CALN1: variants seen among roughly 807,000 people sequenced by gnomAD.
CALN1 encodes the protein calneuron 1.
Under a neutral mutation model 30.6 loss-of-function variants are expected in CALN1, and 17 were observed. That is an observed-to-expected ratio of 0.56 (90% CI 0.38 to 0.83). The LOEUF (loss-of-function observed/expected upper bound fraction) is 0.83, where lower values mean the gene tolerates loss of function less well. Among genes scored for constraint, CALN1 ranks in the 40% least tolerant of loss-of-function variants. The pLI, the probability that CALN1 is intolerant of heterozygous loss-of-function variation, is 0.00. For missense variants in CALN1, 291 were observed against 354.9 expected, an observed-to-expected ratio of 0.82 and a Z score of 1.45; for synonymous variants, 156 against 131.4, an observed-to-expected ratio of 1.19 and a Z score of -1.28.
At chr7:72,310,286 C>T (rs552051859) in intron 2 of CALN1, among the ~76,000 whole-genome samples, 70 of 151,172 alleles carry the variant, frequency 4.6e-4, no homozygotes, top group African/African-American at 1.7e-3. Flanking sequence ...AGGTATCTAC[C>T]TCATTGAGCC....
chr7:71,889,438 C>T (rs1053207333), intron 5 of CALN1, among the ~76,000 whole-genome samples: 17 of 152,026 alleles, frequency 1.1e-4, no homozygotes, highest in African/African-American at 4.1e-4. Flanking sequence ...AAAAATAAAA[C>T]ACATGCTCAC....
At chr7:72,341,852 G>C (rs1441781882) in intron 2 of CALN1, among the ~76,000 whole-genome samples, 2 of 152,120 alleles carry the variant, frequency 1.3e-5, no homozygotes. Flanking sequence ...AATGTTGGCT[G>C]TTGTTACAAG....
rs115340546 is a variant in CALN1 at position 72,141,989 on chromosome 7, G to A, written c.245-35695C>T. On this transcript the variant is annotated intron_variant, in intron 3 of 6. Coordinates refer to ENST00000395275, the MANE Select transcript of CALN1 (RefSeq NM_031468.4). ...TTTCAGGTTGAAATATGATCTGCAG[G>A]GGTGGTTCCAAGATGGCCGAATAGG... is the stretch of plus-strand genomic sequence containing the variant. Among the ~76,000 whole-genome samples, 748 of 152,276 alleles carry A rather than the reference G, an allele frequency of 4.9e-3. 5 individuals carry two copies. Among genetic ancestry groups the A allele is most frequent in the African/African-American group, 0.016 (661 of 41,562 alleles).
intron 2 of CALN1, among the ~76,000 whole-genome samples, chr7:72,318,347 T>A (rs565471154): frequency 6.6e-6 from 1 of 152,286 alleles, no homozygotes; most frequent in South Asian, 2.1e-4. Flanking sequence ...TCCAATAGTG[T>A]CTCAACTATT....
intron 3 of CALN1, among the ~76,000 whole-genome samples, chr7:72,164,514 T>C (rs1235568334): frequency 6.6e-6 from 1 of 152,168 alleles, no homozygotes; most frequent in Non-Finnish European, 1.5e-5. Context: ...TAGAACGTTC[T>C]CCCTGCAGGT....
chr7:71,927,127 TAAAG>T (rs1382604958), intron 5 of CALN1, among the ~76,000 whole-genome samples: 2 of 152,200 alleles, frequency 1.3e-5, no homozygotes, highest in African/African-American at 2.4e-5. Context: ...TCTGCCAACA[TAAAG>T]AAGAGTCTAC....
intron 2 of CALN1, among the ~76,000 whole-genome samples, chr7:72,324,607 G>A (rs978783546): frequency 1.5e-4 from 22 of 151,106 alleles, no homozygotes; most frequent in Non-Finnish European, 2.8e-4. Context: ...TTTAGAGACA[G>A]AGTCTCCCTC....
At chr7:71,970,829 T>C (rs568008154) in intron 5 of CALN1, among the ~76,000 whole-genome samples, 50 of 152,286 alleles carry the variant, frequency 3.3e-4, no homozygotes, top group Middle Eastern at 3.4e-3. Flanking sequence ...TACTGCCAAA[T>C]GGCAAGACCT....
intron 2 of CALN1, among the ~76,000 whole-genome samples, chr7:72,307,852 G>C (rs891118740): frequency 3.3e-5 from 5 of 151,708 alleles, no homozygotes; most frequent in Admixed American, 1.3e-4. Context: ...ACATCTGCTG[G>C]CAAGAGGAGG....
At position 71,831,892 on chromosome 7, in the gene CALN1, A is replaced by C. The variant is rs1486129355; in HGVS notation, c.502-21400T>G. ...GCCTCAAAAAAAAAAAAAAAAAAAA[A>C]AAAAACAAACCAAAAACAAGAAAAC... is the stretch of plus-strand genomic sequence containing the variant. On this transcript the variant is annotated intron_variant, in intron 5 of 6. Coordinates refer to ENST00000395275, the MANE Select transcript of CALN1 (RefSeq NM_031468.4). 4.0e-5 allele frequency among the ~76,000 whole-genome samples: 6 copies of C among 150,192 alleles called. 1 individual carries two copies. The highest frequency in any genetic ancestry group is 1.9e-4 in the East Asian group (1 of 5,156).
At chr7:72,430,964 A>ATTTTTTT (rs781481392) in intron 1 of CALN1, among the ~76,000 whole-genome samples, 2 of 118,984 alleles carry the variant, frequency 1.7e-5, no homozygotes, top group African/African-American at 3.2e-5. Flanking sequence ...AAGCCAAGCT[A>ATTTTTTT]TTTTTTTTTT....
intron 2 of CALN1, among the ~76,000 whole-genome samples, chr7:72,363,299 C>T (rs1470000715): frequency 1.3e-5 from 2 of 152,154 alleles, no homozygotes; most frequent in South Asian, 4.1e-4. Flanking sequence ...AGTGCAGTGG[C>T]GTGATCTCGG....
At chr7:72,434,892 C>G (rs1808098359) in intron 1 of CALN1, among the ~76,000 whole-genome samples, 1 of 152,160 alleles carries the variant, frequency 6.6e-6, no homozygotes, top group Non-Finnish European at 1.5e-5. Context: ...ATGGCCCTAG[C>G]TGAGCTAAGA....
At chr7:72,484,916 T>A in the CALN1 span, among the ~76,000 whole-genome samples, 2 of 152,192 alleles carry the variant, frequency 1.3e-5, no homozygotes, top group Non-Finnish European at 2.9e-5. Flanking sequence ...GTCTTTTTTG[T>A]GTGTCCAAGC....
chr7:71,843,981 A>C (rs927541631), intron 5 of CALN1, among the ~76,000 whole-genome samples: 1 of 152,076 alleles, frequency 6.6e-6, no homozygotes, highest in Non-Finnish European at 1.5e-5. Context: ...CACGTTACTC[A>C]GGAATTGATC....
chr7:72,440,665 A>G (rs1808317084), intron 1 of CALN1, among the ~76,000 whole-genome samples: 1 of 152,170 alleles, frequency 6.6e-6, no homozygotes, highest in Non-Finnish European at 1.5e-5. Flanking sequence ...CATCTCTACT[A>G]AAAATACAAA....
At chr7:72,079,159 C>A (rs759756941) in intron 4 of CALN1, among the ~76,000 whole-genome samples, 20 of 152,164 alleles carry the variant, frequency 1.3e-4, no homozygotes, top group Non-Finnish European at 2.9e-4. Context: ...GGCTGAGGAC[C>A]TTCAAGGATG....
intron 5 of CALN1, among the ~76,000 whole-genome samples, chr7:71,935,255 A>G (rs989151239): frequency 1.3e-5 from 2 of 152,226 alleles, no homozygotes; most frequent in Non-Finnish European, 2.9e-5. Flanking sequence ...GAATCTGGCA[A>G]AGGAGTTGTT....
intron 3 of CALN1, among the ~76,000 whole-genome samples, chr7:72,230,988 C>A (rs1281006815): frequency 4.6e-5 from 7 of 152,156 alleles, no homozygotes; most frequent in Non-Finnish European, 1.0e-4. Context: ...AAATCTTATA[C>A]CATCCCAAAC....
Sources: gnomAD v4.1 joint callset for allele counts (sites outside exome capture counted in the v4.1 genomes callset) on GRCh38, gnomAD v4.1.1 for gene constraint, MANE v1.5 for transcripts, NCBI Gene and HGNC (gene_info 2026-07-23, HGNC 2026-07-21) for gene names.